The following LIG1 variants were observed in gnomAD, a reference collection of about 807,000 sequenced individuals.
LIG1 encodes ligase I, DNA, ATP-dependent.
In LIG1, 70 loss-of-function variants were observed where a neutral mutation model predicts 115.7. The observed-to-expected ratio is 0.60, with a 90% CI of 0.50 to 0.74. LIG1 has a LOEUF of 0.74. Among genes scored for constraint, LIG1 ranks in the 30% least tolerant of loss-of-function variants. The pLI, the probability that LIG1 is intolerant of heterozygous loss-of-function variation, is 0.00. For missense variants in LIG1, 1,115 were observed against 1,225.6 expected (o/e 0.91, Z 1.35); for synonymous variants, 487 against 495.3 (o/e 0.98, Z 0.22).
chr19:48,145,270 A>G (rs1484951744), intron 9 of LIG1, among the ~76,000 whole-genome samples: 1 of 152,142 alleles, frequency 6.6e-6, no homozygotes, highest in African/African-American at 2.4e-5. Flanking sequence ...CTGGGTTCCA[A>G]TCTGCTCTGC....
rs548603306 is a variant in LIG1 at position 48,153,177 on chromosome 19, A to AC, written c.466+694dup. Among the ~76,000 whole-genome samples, 506 of 147,482 alleles carry AC rather than the reference A, an allele frequency of 3.4e-3. 5 individuals carry two copies. Among genetic ancestry groups the AC allele is most frequent in the African/African-American group, 0.012 (483 of 38,972 alleles). ...GCCACTGCACTGTAGCCTGAGCGAC[A>AC]CAGTGAGACTGTCTCAAAAAAAAAA... On this transcript the variant is annotated intron_variant, in intron 6 of 27. Coordinates refer to ENST00000263274, the MANE Select transcript of LIG1 (RefSeq NM_000234.3).
intron 21 of LIG1, among the ~76,000 whole-genome samples, chr19:48,126,092 T>C (rs2033650098): frequency 6.6e-6 from 1 of 151,980 alleles, no homozygotes; most frequent in Non-Finnish European, 1.5e-5. Context: ...CCTATCCCAC[T>C]GTTTAGCCCT....
At chr19:48,149,914 C>A in intron 8 of LIG1, 73 bp from the exon 9 acceptor site, 1 of 1,550,328 alleles carries the variant, frequency 6.5e-7, no homozygotes, top group Non-Finnish European at 8.8e-7. Context: ...ATTCTGCACC[C>A]AGCACCACCC....
At chr19:48,133,384 C>A in intron 17 of LIG1, 1 of 453,578 alleles carries the variant, frequency 2.2e-6, no homozygotes, top group Admixed American at 3.4e-5. Context: ...CCTCTGCGTC[C>A]CTCCTCCCAC....
chr19:48,123,579 C>G (rs1318229326), intron 21 of LIG1: 1 of 550,908 alleles, frequency 1.8e-6, no homozygotes, highest in Non-Finnish European at 3.3e-6. Flanking sequence ...CTTGCTGGAG[C>G]TTGAATTAAC....
At chr19:48,136,916 G>C in intron 14 of LIG1, 92 bp downstream of exon 14, 2 of 1,015,988 alleles carry the variant, frequency 2.0e-6, no homozygotes, top group Non-Finnish European at 3.0e-6. Flanking sequence ...GATGGTCAGG[G>C]CATTTGTGAT....
intron 19 of LIG1, among the ~76,000 whole-genome samples, chr19:48,129,903 G>A (rs955096203): frequency 2.0e-5 from 3 of 152,144 alleles, no homozygotes; most frequent in Non-Finnish European, 4.4e-5. Context: ...CTACAGGTGC[G>A]TGCCACCACA....
At chr19:48,127,017 T>A (rs1197568650) in intron 21 of LIG1, 3 of 515,494 alleles carry the variant, frequency 5.8e-6, no homozygotes, top group Non-Finnish European at 1.1e-5. Flanking sequence ...TACGACACAC[T>A]CTTCTCGTTG....
At chr19:48,157,257 G>C (rs947287633) in intron 4 of LIG1, 117 bp from the exon 5 acceptor site, 44 of 1,187,450 alleles carry the variant, frequency 3.7e-5, no homozygotes, top group Non-Finnish European at 9.2e-6. Flanking sequence ...TGACCCTATG[G>C]TCTCAGCCCT....
At position 48,131,095 on chromosome 19, in the gene LIG1, A is replaced by C; in HGVS notation, c.1802T>G (p.Ile601Ser). ...GCCCACCTTGGGGATGCGGCTGATGATGTCCGGGTACTTCCCAGTGTTGTC... is the reference window on the plus strand; with the variant it reads ...GCCCACCTTGGGGATGCGGCTGATGCTGTCCGGGTACTTCCCAGTGTTGTC... The part of the protein sequence containing the change: ...QEDNTGKYPD[I>S]ISRIPKIKLP... The change falls in exon 19 of 28, where the codon ATC becomes AGC. Residue 601 changes from isoleucine to serine, a missense_variant. By Grantham distance (142) the Ile-to-Ser change is moderately radical. Transcript: ENST00000263274. 1 of 1,614,064 alleles carries C rather than the reference A, an allele frequency of 6.2e-7. No individual in the cohort carries two copies. Among genetic ancestry groups the C allele is most frequent in the Non-Finnish European group, 8.5e-7 (1 of 1,179,948 alleles).
intron 26 of LIG1, among the ~76,000 whole-genome samples, chr19:48,116,880 C>T (rs1272678247): frequency 3.9e-5 from 6 of 152,194 alleles, no homozygotes; most frequent in Non-Finnish European, 7.3e-5. Context: ...GTGGCCCACA[C>T]CTGTAATCCC....
chr19:48,153,435 A>G (rs1038167931), intron 6 of LIG1, among the ~76,000 whole-genome samples: 4 of 152,056 alleles, frequency 2.6e-5, no homozygotes, highest in African/African-American at 9.7e-5. Flanking sequence ...CCATTAAATA[A>G]ATATAAAAAT....
rs274890 is a variant in LIG1, at chr19:48,135,457, C to T, written c.1523+223G>A. ...TCTTTCTATACCTCTCCTGGGGTCA[C>T]TGACCCTTCACTGTTTGCCACCTTC... On this transcript the variant is annotated intron_variant, in intron 16 of 27. Coordinates refer to ENST00000263274, the MANE Select transcript of LIG1 (RefSeq NM_000234.3). Among the ~76,000 whole-genome samples the T allele has an allele frequency of 3.3e-3, 510 of 152,278 alleles. 3 individuals are homozygous for T. Among genetic ancestry groups the T allele is most frequent in the African/African-American group, 0.012 (482 of 41,556 alleles).
chr19:48,130,890 G>A (rs1387945776), intron 19 of LIG1, among the ~76,000 whole-genome samples, 186 bp downstream of exon 19: 1 of 152,180 alleles, frequency 6.6e-6, no homozygotes, highest in Non-Finnish European at 1.5e-5. Flanking sequence ...CCCACCTCTA[G>A]ATGTGAGAAA....
intron 4 of LIG1, 167 bp downstream of exon 4, chr19:48,161,205 G>C (rs546507959): frequency 5.2e-4 from 500 of 958,322 alleles, no homozygotes; most frequent in Non-Finnish European, 7.0e-4. Context: ...CCTAGGGCAG[G>C]GGCAATTAGG....
chr19:48,159,496 C>T (rs1397284943), intron 4 of LIG1, among the ~76,000 whole-genome samples: 4 of 152,190 alleles, frequency 2.6e-5, no homozygotes, highest in African/African-American at 4.8e-5. Flanking sequence ...TATTCTAATA[C>T]CTGGAACCTG....
chr19:48,149,369 G>A (rs3730914), intron 9 of LIG1, among the ~76,000 whole-genome samples: 43,608 of 152,040 alleles, frequency 0.29, 8,195 homozygotes, highest in African/African-American at 0.54. Context: ...GAGGGAGGTG[G>A]CAGCCAGTGG....
chr19:48,137,836 G>T lies in LIG1; in HGVS notation c.1088-148C>A. On this transcript the variant is annotated intron_variant, in intron 12 of 27. Transcript: ENST00000263274. The surrounding 1 kb of genome is among the most constrained non-coding windows in gnomAD (Gnocchi z 4.3). ...CCTGTGTCTAACGCTCACCCACTTG[G>T]TAGAAATGGCTTGGGGAACGTGCCC... The T allele has an allele frequency of 9.9e-7, 1 of 1,010,968 alleles. No homozygotes were observed. Among genetic ancestry groups the T allele is most frequent in the Non-Finnish European group, 1.5e-6 (1 of 683,238 alleles). 62.6% of individuals were successfully genotyped at this position (1,010,968 alleles called of 1,614,324 possible). A position where few individuals can be genotyped will look rare whatever the true frequency, so the allele number is the denominator to read the frequency against.
intron 1 of LIG1, among the ~76,000 whole-genome samples, chr19:48,166,698 T>C (rs1187858557): frequency 6.6e-6 from 1 of 151,856 alleles, no homozygotes; most frequent in Non-Finnish European, 1.5e-5. Flanking sequence ...AGGCCGGGCG[T>C]GGTGGCTGCT....
Sources: gnomAD v4.1 joint callset for allele counts (sites outside exome capture counted in the v4.1 genomes callset) on GRCh38, gnomAD v4.1.1 for gene constraint, Gnocchi (gnomAD v3.1) non-coding constraint, MANE v1.5 for transcripts, NCBI Gene and HGNC (gene_info 2026-07-23, HGNC 2026-07-21) for gene names.